The following SPECC1L variants were observed in gnomAD, a reference collection of about 807,000 sequenced individuals.
SPECC1L encodes the protein sperm antigen with calponin homology and coiled-coil domains 1 like, also known as cytospin-A.
In SPECC1L, 40 loss-of-function variants were observed where a neutral mutation model predicts 116.8. The ratio of observed to expected loss-of-function variants is 0.34; its 90% CI spans 0.27 to 0.45. The LOEUF (loss-of-function observed/expected upper bound fraction) is 0.45. Ranked by LOEUF, SPECC1L falls within the 20% of genes least tolerant of loss-of-function variation. The pLI is 1.00. For missense variants in SPECC1L, 1,110 were observed against 1,373.6 expected (o/e 0.81, Z 3.03); for synonymous variants, 504 against 500.6 (o/e 1.01, Z -0.09).
intron 14 of SPECC1L, among the ~76,000 whole-genome samples, chr22:24,394,985 C>G (rs1291746261): frequency 1.3e-5 from 2 of 152,024 alleles, no homozygotes; most frequent in African/African-American, 2.4e-5. Flanking sequence ...CATGCACAAC[C>G]ACACCTGGCT....
intron 6 of SPECC1L, among the ~76,000 whole-genome samples, chr22:24,327,277 C>CTA (rs2040841526): frequency 2.4e-5 from 1 of 41,958 alleles, no homozygotes; most frequent in African/African-American, 7.5e-5. Flanking sequence ...GACTCCGTCT[C>CTA]AAAAAAAAAA....
chr22:24,311,674 G>A (rs561379452), intron 3 of SPECC1L, among the ~76,000 whole-genome samples: 7 of 151,904 alleles, frequency 4.6e-5, no homozygotes, highest in Admixed American at 1.3e-4. Flanking sequence ...GCATGGTGGC[G>A]CATGCCTGTA....
intron 3 of SPECC1L, among the ~76,000 whole-genome samples, chr22:24,311,804 CAAA>C (rs915422222): frequency 6.4e-5 from 3 of 46,566 alleles, no homozygotes; most frequent in Admixed American, 2.3e-4. Context: ...GACTTTGTCT[CAAA>C]AAAAAAAAAA....
chr22:24,359,790 C>T (rs1340214279), intron 11 of SPECC1L, among the ~76,000 whole-genome samples: 3 of 152,190 alleles, frequency 2.0e-5, no homozygotes, highest in Non-Finnish European at 4.4e-5. Context: ...TCTCCTTTGC[C>T]TGCATAAAGA....
At chr22:24,328,340 T>C (rs1254611302) in intron 6 of SPECC1L, among the ~76,000 whole-genome samples, 1 of 152,206 alleles carries the variant, frequency 6.6e-6, no homozygotes, top group Non-Finnish European at 1.5e-5. Flanking sequence ...ATATATTCTT[T>C]ATTTTTTAAA....
rs376864595 is a variant in SPECC1L at position 24,414,599 on chromosome 22, G to A, written c.3330G>A (p.Ala1110=). Residue 1110 remains alanine (A), a synonymous_variant, in exon 17 of 17, where the codon GCG becomes GCA. Coordinates refer to ENST00000314328, the MANE Select transcript of SPECC1L (RefSeq NM_015330.6). Reference sequence around the variant, plus strand: ...AGAACGTGATGCTGTATGTGACGGCGATCTACAAGTACTTTGAGACCTGAG... The same window carrying A: ...AGAACGTGATGCTGTATGTGACGGCAATCTACAAGTACTTTGAGACCTGAG... ...DWQNVMLYVT[A]IYKYFET is the part of the protein sequence containing the mutation. 1.6e-5 allele frequency: 26 copies of A among 1,613,890 alleles called. No homozygotes were observed. The highest frequency in any genetic ancestry group is 1.6e-4 in the Middle Eastern group (1 of 6,080).
chr22:24,402,528 A>C (rs372954903), intron 14 of SPECC1L, among the ~76,000 whole-genome samples: 1 of 152,132 alleles, frequency 6.6e-6, no homozygotes, highest in Non-Finnish European at 1.5e-5. Context: ...CTCTTACCTC[A>C]TGAGGCTGGG....
chr22:24,364,225 A>G (rs952139221), intron 12 of SPECC1L, among the ~76,000 whole-genome samples: 1 of 152,210 alleles, frequency 6.6e-6, no homozygotes, highest in Non-Finnish European at 1.5e-5. Flanking sequence ...AACAGTTCTC[A>G]GAACATTTTG....
At chr22:24,403,195 G>A (rs565026314) in intron 14 of SPECC1L, among the ~76,000 whole-genome samples, 4 of 152,244 alleles carry the variant, frequency 2.6e-5, no homozygotes, top group Non-Finnish European at 5.9e-5. Context: ...CTTCTCATTC[G>A]AGTCTGTGCA....
At chr22:24,342,799 C>T (rs1056199493) in intron 10 of SPECC1L, among the ~76,000 whole-genome samples, 10 of 151,848 alleles carry the variant, frequency 6.6e-5, no homozygotes, top group African/African-American at 2.4e-4. Context: ...GAAGCCCTGA[C>T]TTGTGGGATG....
At chr22:24,370,499 C>A (rs1306719829) in intron 14 of SPECC1L, among the ~76,000 whole-genome samples, 1 of 152,192 alleles carries the variant, frequency 6.6e-6, no homozygotes, top group East Asian at 1.9e-4. Context: ...GTTGTAACTG[C>A]TGTGGAAAAT....
chr22:24,283,386 C>T (rs940405505), intron 2 of SPECC1L, among the ~76,000 whole-genome samples: 3 of 152,198 alleles, frequency 2.0e-5, no homozygotes, highest in Admixed American at 6.5e-5. Flanking sequence ...CCTGCCTTGC[C>T]GATTTTTGAA....
chr22:24,280,268 A>T (rs1277110935), intron 2 of SPECC1L, among the ~76,000 whole-genome samples: 1 of 152,100 alleles, frequency 6.6e-6, no homozygotes, highest in Non-Finnish European at 1.5e-5. Flanking sequence ...ACTTCCACAC[A>T]AACTGCTGAT....
rs766838677 is a variant in SPECC1L at position 24,411,644 on chromosome 22, C to T, written c.3144C>T (p.Ala1048=). Residue 1048 remains alanine (A), a synonymous_variant, in exon 15 of 17, where the codon GCC becomes GCT. Transcript: ENST00000314328. ...GGAATGATGGGCTGGCCTTCTGTGCCCTCCTGCATACATATCTCCCTGCCC... is the reference window on the plus strand; with the variant it reads ...GGAATGATGGGCTGGCCTTCTGTGCTCTCCTGCATACATATCTCCCTGCCC... ...SSWNDGLAFC[A]LLHTYLPAHI... 1.5e-5 allele frequency: 25 copies of T among 1,614,030 alleles called. No homozygotes were observed. The Admixed American group carries it at 3.3e-4, about 22-fold the overall frequency.
intron 10 of SPECC1L, among the ~76,000 whole-genome samples, chr22:24,342,555 C>T (rs2041198171): frequency 6.6e-6 from 1 of 151,850 alleles, no homozygotes; most frequent in Admixed American, 6.6e-5. Context: ...TGCCTGTAAT[C>T]CCAGCTACGC....
chr22:24,384,812 C>T (rs552371806), intron 14 of SPECC1L, among the ~76,000 whole-genome samples: 1 of 152,144 alleles, frequency 6.6e-6, no homozygotes, highest in Non-Finnish European at 1.5e-5. Flanking sequence ...TGCGGTGGCT[C>T]ACGCCTGTAA....
chr22:24,372,798 TAA>T (rs1422644580), intron 14 of SPECC1L, among the ~76,000 whole-genome samples: 2 of 151,982 alleles, frequency 1.3e-5, no homozygotes, highest in Admixed American at 1.3e-4. Flanking sequence ...GAGAAAGAAA[TAA>T]AGAGTATTCA....
rs62233145 is a variant in SPECC1L at position 24,357,757 on chromosome 22, A to G, written c.2744-5504A>G. ...TTTCTCCAGTAAATACTTTGTGTTT[A>G]GAGTGTGGAATAGTTTTCCAGAGGG... On this transcript the variant is annotated intron_variant, in intron 11 of 16. Coordinates refer to ENST00000314328, the MANE Select transcript of SPECC1L (RefSeq NM_015330.6). 7.4e-3 allele frequency among the ~76,000 whole-genome samples: 1,123 copies of G among 152,336 alleles called. 6 individuals are homozygous for G. The highest frequency in any genetic ancestry group is 0.012 in the South Asian group (60 of 4,814).
intron 2 of SPECC1L, among the ~76,000 whole-genome samples, chr22:24,282,778 A>ATTTT (rs373825517): frequency 2.1e-5 from 3 of 140,810 alleles, no homozygotes; most frequent in Non-Finnish European, 4.6e-5. Context: ...TGAGTTTTGA[A>ATTTT]TTTTTTTTTT....
Sources: gnomAD v4.1 joint callset for allele counts (sites outside exome capture counted in the v4.1 genomes callset) on GRCh38, gnomAD v4.1.1 for gene constraint, MANE v1.5 for transcripts, NCBI Gene and HGNC (gene_info 2026-07-23, HGNC 2026-07-21) for gene names.